NBEA: variants seen among roughly 807,000 people sequenced by gnomAD.
The protein encoded by NBEA is lysosomal-trafficking regulator 2.
NBEA carries 44 observed loss-of-function variants against 343.4 expected under a neutral mutation model. That is an observed-to-expected ratio of 0.13 (90% CI 0.10 to 0.16). The LOEUF (loss-of-function observed/expected upper bound fraction) is 0.16. Ranked by LOEUF, NBEA falls within the 10% of genes least tolerant of loss-of-function variation. NBEA has a pLI of 1.00. For missense variants in NBEA, 2,555 were observed against 3,631.3 expected (o/e 0.70, Z 7.62); for synonymous variants, 1,175 against 1,238.7 (o/e 0.95, Z 1.08).
chr13:35,456,987 T>C (rs1249257718), intron 40 of NBEA, among the ~76,000 whole-genome samples: 1 of 150,636 alleles, frequency 6.6e-6, no homozygotes, highest in Non-Finnish European at 1.5e-5. Flanking sequence ...TATTAGTTTA[T>C]ATATATATAG....
chr13:35,632,161 T>C (rs753573109), intron 49 of NBEA, among the ~76,000 whole-genome samples: 4 of 152,222 alleles, frequency 2.6e-5, no homozygotes, highest in Non-Finnish European at 4.4e-5. Context: ...TTTTTTCTTA[T>C]CGGTTTTTAT....
At chr13:35,493,406 T>C (rs963469944) in intron 41 of NBEA, among the ~76,000 whole-genome samples, 7 of 151,942 alleles carry the variant, frequency 4.6e-5, no homozygotes, top group African/African-American at 1.7e-4. Context: ...TAGACTCTTA[T>C]TTTAAAAGAC....
chr13:34,943,051 G>A lies in NBEA; in HGVS notation c.231G>A (p.Leu77=). ...ACATCCGGATGAAATTCGCAGTGTT[G>A]ATTGGACTCATACAGGTCGGAGAGG... is the stretch of plus-strand genomic sequence containing the variant. The part of the protein sequence containing the change: ...IRNIRMKFAV[L]IGLIQVGEVS... The change falls in exon 1 of 59, where the codon TTG becomes TTA. Residue 77 remains leucine (L), a synonymous_variant. Transcript: ENST00000379939. The A allele has an allele frequency of 6.2e-7, 1 of 1,613,598 alleles. No homozygotes were observed. The highest frequency in any genetic ancestry group is 8.5e-7 in the Non-Finnish European group (1 of 1,179,736).
intron 36 of NBEA, among the ~76,000 whole-genome samples, chr13:35,332,478 G>A (rs983414549): frequency 3.3e-5 from 5 of 152,054 alleles, no homozygotes; most frequent in Non-Finnish European, 5.9e-5. Flanking sequence ...AAATTTAACT[G>A]TTATCTTGTA....
chr13:35,386,139 T>G (rs1444018339), intron 38 of NBEA, among the ~76,000 whole-genome samples: 1 of 152,150 alleles, frequency 6.6e-6, no homozygotes, highest in East Asian at 1.9e-4. Flanking sequence ...ATTTGGAAGA[T>G]TTTTTTAAAG....
intron 33 of NBEA, among the ~76,000 whole-genome samples, chr13:35,223,903 CTG>C (rs1438492687): frequency 6.6e-6 from 1 of 152,158 alleles, no homozygotes; most frequent in African/African-American, 2.4e-5. Context: ...ATTGGAGACT[CTG>C]TTAGAAAATG....
Position 35,530,387 on chromosome 13 carries a change from G to A in NBEA, c.6586-20090G>A, listed in dbSNP as rs180897561. On this transcript the variant is annotated intron_variant, in intron 41 of 58. Coordinates refer to ENST00000379939, the MANE Select transcript of NBEA (RefSeq NM_001385012.1). The stretch of plus-strand genomic sequence containing the variant: ...TTTCCTGACATGCCTGACAGGATGG[G>A]GACAGCCGCCCCAGACAGGTTCATT... Among the ~76,000 whole-genome samples the A allele has an allele frequency of 9.2e-5, 14 of 152,214 alleles. No individual in the cohort carries two copies. In the East Asian group the frequency reaches 2.7e-3, roughly 29 times the overall value.
chr13:35,154,843 G>T (rs1022611081), intron 18 of NBEA, among the ~76,000 whole-genome samples: 3 of 152,014 alleles, frequency 2.0e-5, no homozygotes, highest in Admixed American at 6.6e-5. Context: ...ACTGAAGTAG[G>T]GGCCAGATGT....
At chr13:35,426,889 T>C (rs1380353073) in intron 38 of NBEA, among the ~76,000 whole-genome samples, 1 of 152,186 alleles carries the variant, frequency 6.6e-6, no homozygotes, top group African/African-American at 2.4e-5. Flanking sequence ...ATTTCATTCA[T>C]TTTATCTTCC....
In NBEA at chr13:35,232,671, T is replaced by A. The variant is rs2075037630; in HGVS notation, c.5776+52T>A. On this transcript the variant is annotated intron_variant, in intron 34 of 58. Transcript: ENST00000379939. ...TAGTTTCCTATAATGTATGTATTAA[T>A]CATGGCATAATTTGTGCTTCTGGAG... 6 of 1,286,476 alleles carry A rather than the reference T, an allele frequency of 4.7e-6. No homozygotes were observed. The Admixed American group carries it at 2.0e-4, about 42-fold the overall frequency. The allele number at this position is 1,286,476 out of a possible 1,614,324, so 79.7% of individuals were successfully genotyped here.
At position 35,110,959 on chromosome 13, in the gene NBEA, C is replaced by A. The variant is rs769704961; in HGVS notation, c.1983C>A (p.Gly661=). 1.9e-6 allele frequency: 3 copies of A among 1,609,656 alleles called. No homozygotes were observed. The African/African-American group carries it at 4.0e-5, about 22-fold the overall frequency. The change falls in exon 13 of 59, where the codon GGC becomes GGA. Residue 661 remains glycine (G), a synonymous_variant. Transcript: ENST00000379939. ...YWVINPADSS[G]ITPKGLDGPR... ...TTATTAATCCTGCTGACAGTAGTGG[C>A]ATTACACCTAAAGGATTAGGTATGT...
chr13:35,624,075 TGTGTGA>T (rs1245313926), intron 48 of NBEA, among the ~76,000 whole-genome samples: 69 of 143,426 alleles, frequency 4.8e-4, no homozygotes, highest in African/African-American at 2.0e-3. Context: ...TGTGTGTGTG[TGTGTGA>T]GAATTGCATC....
chr13:35,534,987 G>GA, intron 41 of NBEA, among the ~76,000 whole-genome samples: 1 of 152,114 alleles, frequency 6.6e-6, no homozygotes, highest in Non-Finnish European at 1.5e-5. Context: ...CAGCAGAAGA[G>GA]AAAAAAATAA....
chr13:35,639,017 ATCTC>A, intron 49 of NBEA, among the ~76,000 whole-genome samples: 1 of 152,300 alleles, frequency 6.6e-6, no homozygotes, highest in South Asian at 2.1e-4. Flanking sequence ...ACAAATCAGA[ATCTC>A]TCTCTCAAAT....
At chr13:35,522,753 C>G (rs12583109) in intron 41 of NBEA, among the ~76,000 whole-genome samples, 26,537 of 151,906 alleles carry the variant, frequency 0.17, 2,524 homozygotes, top group East Asian at 0.41. Flanking sequence ...CTATTGTGAA[C>G]TGTGCATTGG....
chr13:35,387,926 G>C (rs188109245), intron 38 of NBEA, among the ~76,000 whole-genome samples: 1 of 152,024 alleles, frequency 6.6e-6, no homozygotes, highest in Non-Finnish European at 1.5e-5. Flanking sequence ...AATCATCATC[G>C]TCTGAAAGCC....
chr13:35,401,311 G>A (rs1302447668), intron 38 of NBEA, among the ~76,000 whole-genome samples: 1 of 151,920 alleles, frequency 6.6e-6, no homozygotes, highest in African/African-American at 2.4e-5. Context: ...GAGCTAACGT[G>A]CTTAACATCC....
intron 24 of NBEA, chr13:35,165,245 T>C (rs74048925): frequency 0.028 from 11,526 of 416,460 alleles, 265 homozygotes; most frequent in South Asian, 0.064. Flanking sequence ...ACAAGCTTTT[T>C]CTACATGACT....
At chr13:35,121,729 T>C (rs2066812941) in intron 16 of NBEA, among the ~76,000 whole-genome samples, 1 of 152,180 alleles carries the variant, frequency 6.6e-6, no homozygotes, top group Non-Finnish European at 1.5e-5. Flanking sequence ...TAACATCTTT[T>C]CTTTTTTAAT....
Sources: allele counts gnomAD v4.1 joint callset (sites outside exome capture counted in the v4.1 genomes callset), GRCh38; gene constraint gnomAD v4.1.1; transcripts MANE v1.5; gene names NCBI Gene and HGNC (gene_info 2026-07-23, HGNC 2026-07-21).